Variants in TSHR observed in about 807,000 individuals in gnomAD.
TSHR encodes thyroid stimulating hormone receptor.
TSHR carries 51 observed loss-of-function variants against 64.1 expected under a neutral mutation model. The ratio of observed to expected loss-of-function variants is 0.80; its 90% CI spans 0.64 to 1.01. The LOEUF is 1.01. Ranked by LOEUF, TSHR falls within the 50% of genes least tolerant of loss-of-function variation. The pLI is 0.00. For missense variants in TSHR, 877 were observed against 942.8 expected (o/e 0.93, Z 0.91); for synonymous variants, 361 against 361.9 (o/e 1.00, Z 0.03).
intron 1 of TSHR, among the ~76,000 whole-genome samples, chr14:80,978,641 T>TA (rs1888014727): frequency 6.6e-6 from 1 of 152,184 alleles, no homozygotes; most frequent in Admixed American, 6.5e-5. Flanking sequence ...GAGCCTTGGT[T>TA]AAAACACTGT....
chr14:81,092,420 T>C (rs749779084), intron 5 of TSHR, 111 bp from the exon 6 acceptor site: 3 of 1,026,156 alleles, frequency 2.9e-6, no homozygotes, highest in Non-Finnish European at 4.6e-6. Flanking sequence ...TAAAAAGAAA[T>C]AAGATTAAGC....
At chr14:81,139,439 T>C (rs1595172144) in intron 8 of TSHR, among the ~76,000 whole-genome samples, 1 of 152,322 alleles carries the variant, frequency 6.6e-6, no homozygotes, top group South Asian at 2.1e-4. Flanking sequence ...TAGAATAAAA[T>C]GACTGTGGAA....
At chr14:80,972,931 G>A (rs1887652093) in intron 1 of TSHR, among the ~76,000 whole-genome samples, 1 of 152,136 alleles carries the variant, frequency 6.6e-6, no homozygotes, top group African/African-American at 2.4e-5. Flanking sequence ...AAATTGTAGG[G>A]TGACAAAGAG....
intron 8 of TSHR, among the ~76,000 whole-genome samples, chr14:81,122,372 A>G (rs1455463446): frequency 6.6e-6 from 1 of 151,954 alleles, no homozygotes; most frequent in Non-Finnish European, 1.5e-5. Context: ...ACATTGGAGC[A>G]TGTAGAAAAC....
chr14:81,077,341 G>A (rs1324063137), intron 3 of TSHR, among the ~76,000 whole-genome samples: 1 of 152,188 alleles, frequency 6.6e-6, no homozygotes. Flanking sequence ...TAATGGATTG[G>A]AAGAGTAGGC....
At chr14:81,012,861 G>A (rs1029255668) in intron 1 of TSHR, 1 of 152,072 alleles carries the variant, frequency 6.6e-6, no homozygotes, top group African/African-American at 2.4e-5. Flanking sequence ...AGATGACTAG[G>A]TTGCGAAAAT....
rs193176356 is a variant in TSHR at position 81,062,758 on chromosome 14, T to C, written c.242+539T>C. Among the ~76,000 whole-genome samples the C allele has an allele frequency of 3.1e-3, 475 of 152,298 alleles. 5 individuals carry two copies. Among genetic ancestry groups the C allele is most frequent in the African/African-American group, 0.011 (462 of 41,564 alleles). On this transcript the variant is annotated intron_variant, in intron 2 of 9. Coordinates refer to ENST00000298171, the MANE Select transcript of TSHR (RefSeq NM_000369.5). ...GTAAGGAGAAAAGGGATTTTCCATA[T>C]TGGGTTGACAAAGAGTGAATGAAAT...
chr14:81,030,294 G>A (rs1003256924), intron 1 of TSHR, among the ~76,000 whole-genome samples: 25 of 152,038 alleles, frequency 1.6e-4, no homozygotes, highest in African/African-American at 6.0e-4. Context: ...TTGTCTCTTG[G>A]CGAAAAGACC....
intron 3 of TSHR, among the ~76,000 whole-genome samples, chr14:81,071,975 G>A (rs1275736674): frequency 3.9e-5 from 6 of 152,246 alleles, no homozygotes; most frequent in East Asian, 1.9e-4. Context: ...TGATTACTGG[G>A]AAACACATAG....
intron 8 of TSHR, among the ~76,000 whole-genome samples, chr14:81,114,076 A>G (rs992172660): frequency 5.3e-5 from 8 of 151,796 alleles, no homozygotes; most frequent in Admixed American, 2.0e-4. Flanking sequence ...GGCAAAATGT[A>G]TACCTTCCAA....
intron 1 of TSHR, among the ~76,000 whole-genome samples, chr14:80,969,593 A>G (rs1159698231): frequency 3.3e-5 from 5 of 152,214 alleles, no homozygotes; most frequent in Non-Finnish European, 7.3e-5. Context: ...CAGGAGAAGT[A>G]TCTTGATTAG....
At chr14:81,057,280 G>A (rs1194234923) in intron 1 of TSHR, among the ~76,000 whole-genome samples, 5 of 152,022 alleles carry the variant, frequency 3.3e-5, no homozygotes, top group Non-Finnish European at 7.4e-5. Context: ...GTGTGGTGGT[G>A]GGTGCCTGTA....
At chr14:81,088,945 T>G (rs2139972350) in intron 4 of TSHR, among the ~76,000 whole-genome samples, 1 of 151,308 alleles carries the variant, frequency 6.6e-6, no homozygotes, top group East Asian at 1.9e-4. Context: ...GACACAAATG[T>G]AGGGAACCAC....
intron 8 of TSHR, 26 bp downstream of exon 8, chr14:81,108,478 T>A: frequency 6.2e-7 from 1 of 1,601,434 alleles, no homozygotes; most frequent in Non-Finnish European, 8.5e-7. Context: ...AAAAGAATAT[T>A]TTAGTCTTTT....
At chr14:81,124,842 C>G (rs1400195111) in intron 8 of TSHR, among the ~76,000 whole-genome samples, 1 of 152,028 alleles carries the variant, frequency 6.6e-6, no homozygotes, top group Non-Finnish European at 1.5e-5. Flanking sequence ...TACCCAGTTT[C>G]TGTTCAAATT....
At chr14:81,052,948 G>A (rs2139870748) in intron 1 of TSHR, 1 of 151,998 alleles carries the variant, frequency 6.6e-6, no homozygotes, top group East Asian at 1.9e-4. Flanking sequence ...AGGGAGGGGA[G>A]AGGGAGAGGG....
At chr14:81,048,163 C>G (rs1024696480) in intron 1 of TSHR, among the ~76,000 whole-genome samples, 2 of 152,134 alleles carry the variant, frequency 1.3e-5, no homozygotes, top group African/African-American at 4.8e-5. Flanking sequence ...AAAGCCCTGA[C>G]TCCCAACTCA....
At chr14:81,121,492 G>T (rs1187563478) in intron 8 of TSHR, among the ~76,000 whole-genome samples, 1 of 152,160 alleles carries the variant, frequency 6.6e-6, no homozygotes, top group South Asian at 2.1e-4. Flanking sequence ...CCAGGAAAAA[G>T]AAAAATGAGG....
intron 1 of TSHR, among the ~76,000 whole-genome samples, chr14:81,003,009 G>A (rs1459559617): frequency 4.0e-5 from 2 of 49,806 alleles, no homozygotes; most frequent in South Asian, 5.6e-4. Flanking sequence ...TCCCCAGAGT[G>A]TGATATTCCC....
Sources: allele counts gnomAD v4.1 joint callset (sites outside exome capture counted in the v4.1 genomes callset), GRCh38; gene constraint gnomAD v4.1.1; transcripts MANE v1.5; gene names NCBI Gene and HGNC (gene_info 2026-07-23, HGNC 2026-07-21).